Variants in FHIP1A observed in about 807,000 individuals in gnomAD.
The protein encoded by FHIP1A is FHF complex subunit HOOK-interacting protein 1A.
A neutral mutation model predicts 88.6 loss-of-function variants in FHIP1A; 61 were observed. That is an observed-to-expected ratio of 0.69 (90% CI 0.56 to 0.85). The LOEUF is 0.85. FHIP1A is among the 40% of genes least tolerant of loss of function. The pLI is 0.00. For synonymous variants in FHIP1A, 478 were observed against 496.0 expected, an observed-to-expected ratio of 0.96 and a Z score of 0.48; for missense variants, 1,154 against 1,273.5, an observed-to-expected ratio of 0.91 and a Z score of 1.43.
At chr4:151,484,806 A>G (rs767515978) in intron 3 of FHIP1A, among the ~76,000 whole-genome samples, 16 of 152,334 alleles carry the variant, frequency 1.1e-4, no homozygotes, top group Middle Eastern at 6.8e-3. Flanking sequence ...ATATTTGAAT[A>G]TGCTATTTCA....
intron 7 of FHIP1A, among the ~76,000 whole-genome samples, chr4:151,619,951 T>A (rs1396683046): frequency 6.6e-6 from 1 of 152,118 alleles, no homozygotes; most frequent in Non-Finnish European, 1.5e-5. Context: ...AACATCTAGA[T>A]GCAAAGGAAG....
At chr4:151,472,534 G>T (rs1729558254) in intron 2 of FHIP1A, among the ~76,000 whole-genome samples, 1 of 151,616 alleles carries the variant, frequency 6.6e-6, no homozygotes. Flanking sequence ...ACGTTACAAG[G>T]TGCCCTGTGA....
intron 3 of FHIP1A, among the ~76,000 whole-genome samples, chr4:151,487,139 T>C (rs1395190498): frequency 6.6e-6 from 1 of 152,154 alleles, no homozygotes; most frequent in Non-Finnish European, 1.5e-5. Flanking sequence ...CTAGGGAATG[T>C]CACTTTTTAT....
At position 151,629,729 on chromosome 4, in the gene FHIP1A, A is replaced by G. The variant is rs993318274; in HGVS notation, c.1006A>G (p.Thr336Ala). The G allele has an allele frequency of 6.4e-6, 10 of 1,551,152 alleles. No individual in the cohort carries two copies. In the African/African-American group the frequency reaches 9.6e-5, roughly 15 times the overall value. Residue 336 changes from threonine (T) to alanine (A), a missense_variant, in exon 8 of 14, where the codon ACT becomes GCT. Transcript: ENST00000435205. ...KVTVEEVMTT[T>A]AYLDLFLRSI... is the part of the protein sequence containing the mutation. ...GACTGTGGAAGAGGTCATGACCACAACTGCATATCTGGACCTTTTCCTGCG... is the reference window on the plus strand; with the variant it reads ...GACTGTGGAAGAGGTCATGACCACAGCTGCATATCTGGACCTTTTCCTGCG...
intron 3 of FHIP1A, among the ~76,000 whole-genome samples, chr4:151,560,000 C>G (rs1310276527): frequency 6.6e-6 from 1 of 152,170 alleles, no homozygotes; most frequent in African/African-American, 2.4e-5. Flanking sequence ...ACCATGAATG[C>G]ATCTTTAAAG....
intron 3 of FHIP1A, among the ~76,000 whole-genome samples, chr4:151,485,360 G>A (rs965825777): frequency 3.5e-5 from 5 of 141,760 alleles, no homozygotes; most frequent in Non-Finnish European, 7.5e-5. Context: ...ATGTTTGGTC[G>A]TGTTTTCCAT....
chr4:151,505,406 A>T (rs540598891), intron 3 of FHIP1A, among the ~76,000 whole-genome samples: 34 of 152,310 alleles, frequency 2.2e-4, no homozygotes, highest in Admixed American at 6.5e-4. Flanking sequence ...CCAAATGGCA[A>T]TGAGGGAAAA....
At chr4:151,493,260 C>T (rs572971104) in intron 3 of FHIP1A, among the ~76,000 whole-genome samples, 1 of 152,200 alleles carries the variant, frequency 6.6e-6, no homozygotes, top group East Asian at 1.9e-4. Flanking sequence ...ATATGCAACC[C>T]TCCTATATTA....
intron 5 of FHIP1A, among the ~76,000 whole-genome samples, chr4:151,583,954 T>C (rs1299133841): frequency 7.9e-5 from 12 of 152,176 alleles, no homozygotes; most frequent in Non-Finnish European, 1.6e-4. Context: ...AAATGTACTG[T>C]CTTGTTTACG....
chr4:151,462,121 A>T (rs1729161223), intron 2 of FHIP1A, among the ~76,000 whole-genome samples: 1 of 152,114 alleles, frequency 6.6e-6, no homozygotes, highest in African/African-American at 2.4e-5. Context: ...TGATCATACC[A>T]CTGTACTCCA....
chr4:151,662,389 A>G (rs1298318822), intron 13 of FHIP1A, 112 bp from the exon 14 acceptor site: 2 of 1,140,218 alleles, frequency 1.8e-6, no homozygotes, highest in African/African-American at 3.1e-5. Flanking sequence ...TAGGAACTGC[A>G]CTCATAACTA....
At chr4:151,496,188 T>G (rs1730453979) in intron 3 of FHIP1A, among the ~76,000 whole-genome samples, 1 of 151,214 alleles carries the variant, frequency 6.6e-6, no homozygotes, top group African/African-American at 2.4e-5. Context: ...TTCTAGTAAT[T>G]TAGATCTCAC....
intron 3 of FHIP1A, among the ~76,000 whole-genome samples, chr4:151,524,850 GA>G (rs937596133): frequency 8.5e-5 from 13 of 152,208 alleles, no homozygotes; most frequent in Non-Finnish European, 1.9e-4. Context: ...CTTTGGAAAG[GA>G]AGTGTTGCCT....
At chr4:151,606,578 CTT>C (rs1735081847) in intron 7 of FHIP1A, among the ~76,000 whole-genome samples, 1 of 152,264 alleles carries the variant, frequency 6.6e-6, no homozygotes, top group Non-Finnish European at 1.5e-5. Flanking sequence ...CAGAGGAATA[CTT>C]TTTTTGATAT....
At chr4:151,617,232 T>C (rs1045238389) in intron 7 of FHIP1A, among the ~76,000 whole-genome samples, 4 of 152,130 alleles carry the variant, frequency 2.6e-5, no homozygotes, top group African/African-American at 9.7e-5. Context: ...CACATGAGGA[T>C]TGGAGACTTC....
intron 10 of FHIP1A, 31 bp downstream of exon 10, chr4:151,646,779 A>T (rs1736814005): frequency 6.9e-7 from 1 of 1,455,286 alleles, no homozygotes; most frequent in Non-Finnish European, 9.3e-7. Flanking sequence ...ATCTTTAAAC[A>T]AAAGGATGCC....
At chr4:151,623,148 G>T (rs539011990) in intron 7 of FHIP1A, among the ~76,000 whole-genome samples, 9 of 152,190 alleles carry the variant, frequency 5.9e-5, no homozygotes, top group Non-Finnish European at 1.3e-4. Context: ...ATTTTTATTG[G>T]CAATGACAGC....
At chr4:151,521,564 A>G (rs138376522) in intron 3 of FHIP1A, among the ~76,000 whole-genome samples, 4 of 152,324 alleles carry the variant, frequency 2.6e-5, no homozygotes, top group East Asian at 1.9e-4. Context: ...ACCAAGGACT[A>G]TACCTAGAAC....
intron 3 of FHIP1A, among the ~76,000 whole-genome samples, chr4:151,495,625 CT>C (rs11450043): frequency 7.0e-4 from 95 of 135,062 alleles, no homozygotes; most frequent in East Asian, 5.7e-3. Context: ...GCTATATATT[CT>C]TTTTTTTTTT....
Sources: gnomAD v4.1 joint callset for allele counts (sites outside exome capture counted in the v4.1 genomes callset) on GRCh38, gnomAD v4.1.1 for gene constraint, MANE v1.5 for transcripts, NCBI Gene and HGNC (gene_info 2026-07-23, HGNC 2026-07-21) for gene names.